The following GPHN variants were observed in gnomAD, a reference collection of about 807,000 sequenced individuals.
The protein encoded by GPHN is gephyrin.
Under a neutral mutation model 95.5 loss-of-function variants are expected in GPHN, and 17 were observed. That is an observed-to-expected ratio of 0.18 (90% CI 0.12 to 0.27). GPHN has a LOEUF of 0.27. Among genes scored for constraint, GPHN ranks in the 10% least tolerant of loss-of-function variants. The pLI, the probability that GPHN is intolerant of heterozygous loss-of-function variation, is 1.00. For synonymous variants in GPHN, 320 were observed against 322.5 expected (o/e 0.99, Z 0.08); for missense variants, 660 against 978.1 (o/e 0.67, Z 4.34).
At chr14:67,024,612 C>T (rs117322740) in intron 10 of GPHN, among the ~76,000 whole-genome samples, 1,826 of 152,272 alleles carry the variant, frequency 0.012, 18 homozygotes, top group Non-Finnish European at 0.018. Flanking sequence ...CAAAAAGATA[C>T]ATAGGGCAGA....
At chr14:67,124,713 A>G (rs999801641) in intron 17 of GPHN, among the ~76,000 whole-genome samples, 1 of 152,108 alleles carries the variant, frequency 6.6e-6, no homozygotes, top group East Asian at 1.9e-4. Context: ...TGCGTTAATG[A>G]GCTCTAAGAA....
chr14:67,556,421 C>G, the GPHN span, among the ~76,000 whole-genome samples: 1 of 152,292 alleles, frequency 6.6e-6, no homozygotes, highest in East Asian at 1.9e-4. Flanking sequence ...CAGGCGTGAG[C>G]CACTGTGCCT....
chr14:66,816,220 A>C (rs1224729507), intron 3 of GPHN, among the ~76,000 whole-genome samples: 1 of 152,186 alleles, frequency 6.6e-6, no homozygotes, highest in Non-Finnish European at 1.5e-5. Flanking sequence ...GTAGTCTTTA[A>C]CACCCCACTG....
At chr14:67,153,219 G>A (rs2081385214) in intron 18 of GPHN, among the ~76,000 whole-genome samples, 1 of 152,206 alleles carries the variant, frequency 6.6e-6, no homozygotes, top group Admixed American at 6.5e-5. Flanking sequence ...GGTCAAGGCT[G>A]CAGTGAGCTG....
chr14:66,959,731 G>A (rs924787438), intron 8 of GPHN, among the ~76,000 whole-genome samples: 4 of 151,844 alleles, frequency 2.6e-5, no homozygotes, highest in African/African-American at 7.3e-5. Flanking sequence ...AGTTTATCCT[G>A]CTTGGGATTG....
intron 9 of GPHN, among the ~76,000 whole-genome samples, chr14:66,977,918 G>A (rs2070371289): frequency 6.6e-6 from 1 of 152,052 alleles, no homozygotes; most frequent in Non-Finnish European, 1.5e-5. Flanking sequence ...ATATTTACAG[G>A]CATACCTTGG....
the GPHN span, among the ~76,000 whole-genome samples, chr14:67,545,924 A>G: frequency 9.2e-5 from 14 of 152,148 alleles, no homozygotes; most frequent in South Asian, 2.9e-3. Flanking sequence ...TCTGATTTCA[A>G]TTGAACAAAA....
intron 9 of GPHN, among the ~76,000 whole-genome samples, chr14:67,021,567 T>G (rs1240916096): frequency 2.6e-5 from 4 of 152,128 alleles, no homozygotes; most frequent in African/African-American, 9.6e-5. Flanking sequence ...TGTTGTTGTT[T>G]TGGTTTGGTT....
At chr14:66,531,938 C>T (rs1430795693) in intron 1 of GPHN, among the ~76,000 whole-genome samples, 3 of 152,018 alleles carry the variant, frequency 2.0e-5, no homozygotes, top group Non-Finnish European at 2.9e-5. Flanking sequence ...TCAGCTCTGC[C>T]CTTGTAGCAT....
Position 67,070,305 on chromosome 14 carries a change from T to C in GPHN, c.1144+11519T>C, listed in dbSNP as rs867924996. ...ATATATATGTTTGTGTGTGTGTGTATATATATATACATTTTAAATATTTTT... is the reference window on the plus strand; with the variant it reads ...ATATATATGTTTGTGTGTGTGTGTACATATATATACATTTTAAATATTTTT... On this transcript the variant is annotated intron_variant, in intron 11 of 22. Transcript: ENST00000478722. Among the ~76,000 whole-genome samples the C allele has an allele frequency of 2.8e-5, 4 of 145,318 alleles. No individual in the cohort carries two copies. The South Asian group carries it at 8.5e-4, about 31-fold the overall frequency.
chr14:67,352,180 G>A, the GPHN span, among the ~76,000 whole-genome samples: 6 of 151,850 alleles, frequency 4.0e-5, no homozygotes, highest in Admixed American at 2.0e-4. Context: ...TGTTAAGTAC[G>A]TACAGGTTTA....
chr14:66,948,024 A>C (rs1284862209), intron 8 of GPHN, among the ~76,000 whole-genome samples: 1 of 152,196 alleles, frequency 6.6e-6, no homozygotes, highest in Admixed American at 6.5e-5. Flanking sequence ...ATATTAAGTA[A>C]ATATATTAAA....
At chr14:67,200,884 G>A in the GPHN span, among the ~76,000 whole-genome samples, 2 of 152,172 alleles carry the variant, frequency 1.3e-5, no homozygotes, top group South Asian at 2.1e-4. Context: ...TAGGTCAGAC[G>A]TTGCCCCCAT....
At chr14:67,200,638 T>G in the GPHN span, 2 of 174,420 alleles carry the variant, frequency 1.1e-5, no homozygotes, top group Non-Finnish European at 2.4e-5. Flanking sequence ...CCACCTCCAG[T>G]ATACCATAGG....
At chr14:67,514,236 A>G in the GPHN span, among the ~76,000 whole-genome samples, 1 of 152,126 alleles carries the variant, frequency 6.6e-6, no homozygotes, top group South Asian at 2.1e-4. Context: ...AAACACCCCC[A>G]GGGAAACCCT....
At chr14:67,699,520 G>A in the GPHN span, among the ~76,000 whole-genome samples, 1 of 148,308 alleles carries the variant, frequency 6.7e-6, no homozygotes, top group Admixed American at 6.8e-5. Context: ...AGCCTCACAG[G>A]TTGAGGCTGC....
At chr14:67,522,744 G>C in the GPHN span, among the ~76,000 whole-genome samples, 1 of 152,218 alleles carries the variant, frequency 6.6e-6, no homozygotes, top group Non-Finnish European at 1.5e-5. Context: ...AGCCGGCTGA[G>C]AGACAGCCAA....
At chr14:66,727,636 T>C (rs144730070) in intron 2 of GPHN, among the ~76,000 whole-genome samples, 80 of 152,280 alleles carry the variant, frequency 5.3e-4, no homozygotes, top group African/African-American at 1.6e-3. Context: ...CCCTAGAGAT[T>C]TGTGGAACTT....
intron 5 of GPHN, among the ~76,000 whole-genome samples, chr14:66,913,209 C>T (rs2065754189): frequency 1.3e-5 from 2 of 152,178 alleles, no homozygotes; most frequent in Non-Finnish European, 2.9e-5. Context: ...TCATATTACT[C>T]CTCTATAAGT....
Sources: allele counts gnomAD v4.1 joint callset (sites outside exome capture counted in the v4.1 genomes callset), GRCh38; gene constraint gnomAD v4.1.1; transcripts MANE v1.5; gene names NCBI Gene and HGNC (gene_info 2026-07-23, HGNC 2026-07-21).